Variants in CLYBL observed in about 807,000 individuals in gnomAD.
CLYBL encodes citramalyl-CoA lyase.
In CLYBL, 31 loss-of-function variants were observed where a neutral mutation model predicts 38.9. The ratio of observed to expected loss-of-function variants is 0.80; its 90% CI spans 0.60 to 1.08. The LOEUF (loss-of-function observed/expected upper bound fraction) is 1.08. Among genes scored for constraint, CLYBL ranks in the 50% least tolerant of loss-of-function variants. The probability of loss-of-function intolerance (pLI) is 0.00; values close to 1 mark genes in which losing one functional copy is unlikely to be tolerated. For synonymous variants in CLYBL, 171 were observed against 158.6 expected, an observed-to-expected ratio of 1.08 and a Z score of -0.59; for missense variants, 434 against 411.6, an observed-to-expected ratio of 1.05 and a Z score of -0.47.
intron 2 of CLYBL, among the ~76,000 whole-genome samples, chr13:99,793,575 T>TA (rs1383049564): frequency 6.6e-6 from 1 of 152,156 alleles, no homozygotes; most frequent in Non-Finnish European, 1.5e-5. Flanking sequence ...CAGTAATTGT[T>TA]AAAAAATAAA....
chr13:99,618,136 A>G (rs941457481), intron 1 of CLYBL, among the ~76,000 whole-genome samples: 2 of 152,166 alleles, frequency 1.3e-5, no homozygotes, highest in Non-Finnish European at 2.9e-5. Context: ...ACCTAAAACA[A>G]TCCTTGGCAG....
intron 1 of CLYBL, among the ~76,000 whole-genome samples, chr13:99,771,097 G>A (rs1430132038): frequency 1.4e-5 from 2 of 143,442 alleles, no homozygotes; most frequent in African/African-American, 2.7e-5. Flanking sequence ...GCAGCTTTGC[G>A]ATCACAGCTC....
At chr13:99,832,825 C>G (rs1421774503) in intron 2 of CLYBL, among the ~76,000 whole-genome samples, 4 of 135,890 alleles carry the variant, frequency 2.9e-5, no homozygotes, top group Non-Finnish European at 4.7e-5. Context: ...TATGTTATAT[C>G]AAATCTGTTA....
intron 2 of CLYBL, among the ~76,000 whole-genome samples, chr13:99,803,658 T>A (rs2138952515): frequency 6.6e-6 from 1 of 152,352 alleles, no homozygotes. Flanking sequence ...TGTAAAACAC[T>A]TACCAGAGTG....
rs539495785 is a variant in CLYBL, at chr13:99,741,590, C to T, written c.63-31234C>T. Among the ~76,000 whole-genome samples the T allele has an allele frequency of 5.9e-5, 9 of 152,366 alleles. No individual in the cohort carries two copies. The South Asian group carries it at 6.2e-4, about 11-fold the overall frequency. On this transcript the variant is annotated intron_variant, in intron 1 of 8. Transcript: ENST00000339105. ...GTCGGGGGACGGAGTCCCACTCCGC[C>T]GCCCAGACAAGAGTGCAGTGGCATG...
chr13:99,698,985 C>G (rs2048020582), intron 1 of CLYBL, among the ~76,000 whole-genome samples: 1 of 152,174 alleles, frequency 6.6e-6, no homozygotes, highest in African/African-American at 2.4e-5. Flanking sequence ...AAACGTGCCA[C>G]TCAGAAACTA....
intron 1 of CLYBL, among the ~76,000 whole-genome samples, chr13:99,770,080 C>CTT (rs3033589): frequency 0.34 from 35,218 of 102,808 alleles, 6,440 homozygotes; most frequent in Non-Finnish European, 0.5. Context: ...TCTTTTCTTT[C>CTT]TTTTTTTTTT....
chr13:99,731,032 G>A (rs1040307892), intron 1 of CLYBL, among the ~76,000 whole-genome samples: 1 of 142,344 alleles, frequency 7.0e-6, no homozygotes, highest in African/African-American at 2.6e-5. Context: ...GCTGTGAGCC[G>A]AGATCGTGCC....
At chr13:99,607,555 C>T (rs1485862384) in intron 1 of CLYBL, among the ~76,000 whole-genome samples, 1 of 152,146 alleles carries the variant, frequency 6.6e-6, no homozygotes, top group African/African-American at 2.4e-5. Context: ...TGCCCATCGC[C>T]TAGGTACGTG....
intron 2 of CLYBL, among the ~76,000 whole-genome samples, chr13:99,789,715 C>T (rs1484093038): frequency 3.9e-5 from 6 of 152,082 alleles, no homozygotes; most frequent in African/African-American, 9.6e-5. Flanking sequence ...CTATTAGGTC[C>T]GCTTGTTGCA....
chr13:99,872,665 G>C (rs1172847991), intron 7 of CLYBL, among the ~76,000 whole-genome samples: 1 of 152,180 alleles, frequency 6.6e-6, no homozygotes, highest in Non-Finnish European at 1.5e-5. Flanking sequence ...GGCCAGCACT[G>C]TGTCTATGAC....
intron 2 of CLYBL, among the ~76,000 whole-genome samples, chr13:99,846,219 T>C (rs1057386154): frequency 7.3e-5 from 11 of 150,994 alleles, no homozygotes. Context: ...AATGAAAACA[T>C]GCAAAGGTGG....
At chr13:99,765,460 G>C (rs2049250298) in intron 1 of CLYBL, among the ~76,000 whole-genome samples, 1 of 151,986 alleles carries the variant, frequency 6.6e-6, no homozygotes, top group Non-Finnish European at 1.5e-5. Flanking sequence ...TCTTTCTCAA[G>C]TTTTGGAAAG....
intron 1 of CLYBL, among the ~76,000 whole-genome samples, chr13:99,735,087 T>C (rs1019411714): frequency 2.6e-5 from 4 of 152,244 alleles, no homozygotes; most frequent in Admixed American, 6.5e-5. Context: ...AGTGCTGCTC[T>C]AAGCTGTCAC....
intron 2 of CLYBL, among the ~76,000 whole-genome samples, chr13:99,851,623 CAAT>C (rs2051334616): frequency 6.6e-6 from 1 of 152,066 alleles, no homozygotes; most frequent in African/African-American, 2.4e-5. Context: ...ATCAAAACTA[CAAT>C]GAGAGACCAC....
At chr13:99,645,452 T>A (rs1276193997) in intron 1 of CLYBL, among the ~76,000 whole-genome samples, 1 of 144,576 alleles carries the variant, frequency 6.9e-6, no homozygotes, top group Admixed American at 7.2e-5. Context: ...GAGCTGAGAT[T>A]GCACCACTGC....
intron 1 of CLYBL, among the ~76,000 whole-genome samples, chr13:99,772,112 T>C (rs2049408563): frequency 1.3e-5 from 2 of 152,214 alleles, no homozygotes; most frequent in South Asian, 4.1e-4. Flanking sequence ...TTAGTTTTTT[T>C]TTTCTACTTT....
At chr13:99,862,930 C>G in intron 3 of CLYBL, 61 bp from the exon 4 acceptor site, 1 of 929,244 alleles carries the variant, frequency 1.1e-6, no homozygotes, top group Non-Finnish European at 1.7e-6. Context: ...ACTTCTGGGT[C>G]TACATTTCCG....
chr13:99,833,151 C>T (rs1220371348), intron 2 of CLYBL, among the ~76,000 whole-genome samples: 1 of 147,080 alleles, frequency 6.8e-6, no homozygotes, highest in African/African-American at 2.5e-5. Flanking sequence ...AAGCGATTCT[C>T]CTGCCTCAGC....
Sources: gnomAD v4.1 joint callset for allele counts (sites outside exome capture counted in the v4.1 genomes callset) on GRCh38, gnomAD v4.1.1 for gene constraint, MANE v1.5 for transcripts, NCBI Gene and HGNC (gene_info 2026-07-23, HGNC 2026-07-21) for gene names.